SPIDR: variants seen among roughly 807,000 people sequenced by gnomAD.
SPIDR encodes the protein DNA repair-scaffolding protein.
SPIDR carries 93 observed loss-of-function variants against 104.6 expected under a neutral mutation model. The observed-to-expected ratio is 0.89, with a 90% CI of 0.75 to 1.06. The LOEUF (loss-of-function observed/expected upper bound fraction) is 1.06, where lower values mean the gene tolerates loss of function less well. SPIDR is among the 50% of genes least tolerant of loss of function. SPIDR has a pLI of 0.00. For missense variants in SPIDR, 1,154 were observed against 1,111.2 expected (o/e 1.04, Z -0.55); for synonymous variants, 431 against 416.9 (o/e 1.03, Z -0.41).
intron 8 of SPIDR, among the ~76,000 whole-genome samples, chr8:47,549,234 G>A (rs1201860439): frequency 6.6e-6 from 1 of 152,184 alleles, no homozygotes; most frequent in African/African-American, 2.4e-5. Flanking sequence ...AAACATATGT[G>A]TGCATGTGTC....
intron 14 of SPIDR, 25 bp from the exon 15 acceptor site, chr8:47,712,637 T>C (rs1293535921): frequency 1.2e-6 from 2 of 1,602,770 alleles, no homozygotes; most frequent in Non-Finnish European, 8.5e-7. Flanking sequence ...TAATAATTAA[T>C]CTTTATTGTG....
chr8:47,280,128 C>T, intron 2 of SPIDR, 111 bp downstream of exon 2: 2 of 1,102,192 alleles, frequency 1.8e-6, no homozygotes, highest in Non-Finnish European at 2.6e-6. Context: ...TTTCAGAACA[C>T]TGTAACTGGT....
At chr8:47,604,614 T>A (rs2062720170) in intron 10 of SPIDR, among the ~76,000 whole-genome samples, 1 of 152,142 alleles carries the variant, frequency 6.6e-6, no homozygotes, top group African/African-American at 2.4e-5. Flanking sequence ...GGTCTAGATG[T>A]GTGTGATGGC....
chr8:47,438,338 A>G (rs2068749444), intron 7 of SPIDR, among the ~76,000 whole-genome samples: 1 of 152,176 alleles, frequency 6.6e-6, no homozygotes, highest in South Asian at 2.1e-4. Flanking sequence ...TTCTTAAATT[A>G]TGTCTCAAAA....
At chr8:47,698,169 G>A (rs2079622493) in intron 11 of SPIDR, among the ~76,000 whole-genome samples, 1 of 152,044 alleles carries the variant, frequency 6.6e-6, no homozygotes, top group African/African-American at 2.4e-5. Flanking sequence ...AAATAAAAAT[G>A]TTTATTAATC....
At chr8:47,615,490 T>C (rs1224912370) in intron 10 of SPIDR, among the ~76,000 whole-genome samples, 3 of 97,864 alleles carry the variant, frequency 3.1e-5, no homozygotes, top group Non-Finnish European at 6.2e-5. Flanking sequence ...TTTTTTTTTT[T>C]CGGCCAGAGT....
intron 8 of SPIDR, among the ~76,000 whole-genome samples, chr8:47,464,657 A>AGTCCTGTCCT (rs1165191166): frequency 1.6e-4 from 24 of 151,426 alleles, no homozygotes; most frequent in Middle Eastern, 3.2e-3. Flanking sequence ...TGTCTTGTCT[A>AGTCCTGTCCT]GTCCTGTCCT....
At chr8:47,423,580 C>T (rs2065927786) in intron 7 of SPIDR, among the ~76,000 whole-genome samples, 2 of 151,502 alleles carry the variant, frequency 1.3e-5, no homozygotes, top group South Asian at 4.2e-4. Context: ...GCTATCTGGG[C>T]AACAGAGCAA....
intron 8 of SPIDR, among the ~76,000 whole-genome samples, chr8:47,528,891 C>T (rs2085458028): frequency 6.6e-6 from 1 of 151,986 alleles, no homozygotes; most frequent in South Asian, 2.1e-4. Flanking sequence ...AGAATTTTTC[C>T]AAATTAATGA....
At chr8:47,452,796 T>G (rs1479909497) in intron 8 of SPIDR, among the ~76,000 whole-genome samples, 100 of 152,166 alleles carry the variant, frequency 6.6e-4, no homozygotes, top group African/African-American at 2.0e-3. Context: ...CTTTGAAAAC[T>G]GGCACAAGAC....
chr8:47,336,156 G>A (rs541071395), intron 5 of SPIDR, among the ~76,000 whole-genome samples: 1 of 151,756 alleles, frequency 6.6e-6, no homozygotes, highest in East Asian at 1.9e-4. Context: ...TTTGCTTTTC[G>A]GTTTTGGAGG....
At chr8:47,280,755 C>G (rs1357189450) in intron 2 of SPIDR, among the ~76,000 whole-genome samples, 1 of 152,112 alleles carries the variant, frequency 6.6e-6, no homozygotes, top group Non-Finnish European at 1.5e-5. Context: ...CTAGGCTGGT[C>G]TCTAACCCCT....
At chr8:47,502,643 CT>C (rs1451520832) in intron 8 of SPIDR, among the ~76,000 whole-genome samples, 1 of 152,118 alleles carries the variant, frequency 6.6e-6, no homozygotes, top group Non-Finnish European at 1.5e-5. Context: ...TCCTTCGGTT[CT>C]GCTCTGATCT....
intron 16 of SPIDR, among the ~76,000 whole-genome samples, chr8:47,722,771 G>T (rs576468817): frequency 5.9e-5 from 9 of 151,448 alleles, no homozygotes; most frequent in Admixed American, 1.3e-4. Context: ...TTTTTTATTG[G>T]TTTTTTCATC....
chr8:47,348,150 CAA>C (rs2052571633), intron 5 of SPIDR, among the ~76,000 whole-genome samples: 1 of 152,150 alleles, frequency 6.6e-6, no homozygotes, highest in African/African-American at 2.4e-5. Context: ...CTGGTGGTGA[CAA>C]ACTCTCTCAG....
At chr8:47,700,038 A>T (rs998011128) in intron 11 of SPIDR, among the ~76,000 whole-genome samples, 1 of 152,218 alleles carries the variant, frequency 6.6e-6, no homozygotes, top group African/African-American at 2.4e-5. Flanking sequence ...AGATACACAT[A>T]CATACACACA....
chr8:47,311,765 A>G (rs587746558), intron 5 of SPIDR, among the ~76,000 whole-genome samples: 4 of 152,048 alleles, frequency 2.6e-5, no homozygotes, highest in Admixed American at 2.0e-4. Flanking sequence ...CATGTGCACA[A>G]TGTGCGGGTT....
chr8:47,713,173 A>G, intron 15 of SPIDR: 1 of 679,760 alleles, frequency 1.5e-6, no homozygotes, highest in Non-Finnish European at 2.3e-6. Context: ...GCGTATACTT[A>G]GATCAGCCAG....
chr8:47,654,461 C>T (rs112580775), intron 10 of SPIDR, among the ~76,000 whole-genome samples: 3 of 152,298 alleles, frequency 2.0e-5, no homozygotes, highest in African/African-American at 7.2e-5. Flanking sequence ...CAAGAGGGAT[C>T]TCTGCATAAT....
Sources: gnomAD v4.1 joint callset for allele counts (sites outside exome capture counted in the v4.1 genomes callset) on GRCh38, gnomAD v4.1.1 for gene constraint, MANE v1.5 for transcripts, NCBI Gene and HGNC (gene_info 2026-07-23, HGNC 2026-07-21) for gene names.